ROBO1: variants seen among roughly 807,000 people sequenced by gnomAD.
ROBO1 encodes roundabout homolog 1.
A neutral mutation model predicts 195.9 loss-of-function variants in ROBO1; 149 were observed. The observed-to-expected ratio is 0.76, with a 90% CI of 0.67 to 0.87. ROBO1 has a LOEUF of 0.87. ROBO1 is among the 40% of genes least tolerant of loss of function. The probability of loss-of-function intolerance (pLI) is 0.00; values close to 1 mark genes in which losing one functional copy is unlikely to be tolerated. For missense variants in ROBO1, 1,933 were observed against 2,068.3 expected (o/e 0.93, Z 1.27); for synonymous variants, 816 against 733.2 (o/e 1.11, Z -1.82).
intron 2 of ROBO1, among the ~76,000 whole-genome samples, chr3:79,346,807 C>CA: frequency 6.6e-6 from 1 of 151,856 alleles, no homozygotes; most frequent in South Asian, 2.1e-4. Flanking sequence ...TAAAATAATA[C>CA]ATGGTCTAGG....
intron 1 of ROBO1, among the ~76,000 whole-genome samples, chr3:79,725,732 A>C (rs1359385139): frequency 6.6e-6 from 1 of 152,112 alleles, no homozygotes; most frequent in Non-Finnish European, 1.5e-5. Flanking sequence ...AAAATTTTGT[A>C]TGTCTTCTGT....
chr3:78,727,412 G>A (rs959134629), intron 5 of ROBO1, among the ~76,000 whole-genome samples: 1 of 152,104 alleles, frequency 6.6e-6, no homozygotes, highest in African/African-American at 2.4e-5. Context: ...GGATCACAAG[G>A]TCAGGAGATT....
Position 79,528,675 on chromosome 3 carries a change from C to A in ROBO1, c.88+61149G>T, listed in dbSNP as rs574706992. 2.6e-5 allele frequency among the ~76,000 whole-genome samples: 4 copies of A among 152,258 alleles called. No individual in the cohort carries two copies. In the East Asian group the frequency reaches 7.7e-4, roughly 29 times the overall value. On this transcript the variant is annotated intron_variant, in intron 2 of 30. Transcript: ENST00000464233. ...AATAAACAGACTGTGACTTCTAGATCATTTCTTAGACCAAATGGCAAGGCT... is the reference window on the plus strand; with the variant it reads ...AATAAACAGACTGTGACTTCTAGATAATTTCTTAGACCAAATGGCAAGGCT...
At chr3:78,677,707 TC>T (rs911586957) in intron 10 of ROBO1, among the ~76,000 whole-genome samples, 1 of 151,874 alleles carries the variant, frequency 6.6e-6, no homozygotes, top group African/African-American at 2.4e-5. Context: ...AGACTTAGAC[TC>T]CCACACAATA....
chr3:78,712,140 T>G (rs915840263), intron 8 of ROBO1, among the ~76,000 whole-genome samples: 2 of 151,916 alleles, frequency 1.3e-5, no homozygotes, highest in Non-Finnish European at 2.9e-5. Flanking sequence ...TGTAAGGTAA[T>G]TTATTCCCAC....
At chr3:79,101,053 G>A (rs2108510291) in intron 3 of ROBO1, among the ~76,000 whole-genome samples, 1 of 151,838 alleles carries the variant, frequency 6.6e-6, no homozygotes, top group Admixed American at 6.6e-5. Context: ...ATATATTGAA[G>A]GTATTTGTGT....
In ROBO1 at chr3:79,653,566, A is replaced by G. The variant is rs535359260; in HGVS notation, c.-50-63605T>C. On this transcript the variant is annotated intron_variant, in intron 1 of 30. Transcript: ENST00000464233. ...AGAAATATTTTTCAGGCTTTTGAGT[A>G]TCATTTCAAGATGAGAATATTTGCA... Among the ~76,000 whole-genome samples the G allele has an allele frequency of 5.9e-5, 9 of 152,162 alleles. 1 individual carries two copies. The East Asian group carries it at 1.2e-3, about 20-fold the overall frequency.
At chr3:79,519,170 G>A (rs1371214677) in intron 2 of ROBO1, among the ~76,000 whole-genome samples, 3 of 152,116 alleles carry the variant, frequency 2.0e-5, no homozygotes, top group East Asian at 3.9e-4. Flanking sequence ...CAAGAAGCAT[G>A]CTATTCTTGT....
intron 3 of ROBO1, among the ~76,000 whole-genome samples, chr3:79,061,701 T>A (rs1318086498): frequency 6.6e-6 from 1 of 151,922 alleles, no homozygotes; most frequent in African/African-American, 2.4e-5. Flanking sequence ...ACACTACACA[T>A]CTACAACCAT....
In ROBO1 at chr3:79,008,970, C is replaced by T. The variant is rs187501619; in HGVS notation, c.173-70043G>A. On this transcript the variant is annotated intron_variant, in intron 3 of 30. Transcript: ENST00000464233. ...TTTTGTTTTGTTTTGAGATGAGTCT[C>T]GCTGTTGTCACCTGAGCTGGAGTGC... Among the ~76,000 whole-genome samples, 9 of 150,244 alleles carry T rather than the reference C, an allele frequency of 6.0e-5. No homozygotes were observed. In the East Asian group the frequency reaches 1.2e-3, roughly 20 times the overall value.
intron 2 of ROBO1, among the ~76,000 whole-genome samples, chr3:79,379,997 C>T (rs868395591): frequency 6.6e-5 from 10 of 152,136 alleles, no homozygotes; most frequent in Admixed American, 3.9e-4. Context: ...CCCACATGTT[C>T]CAATACAAAT....
chr3:78,846,133 T>G (rs2106805347), intron 4 of ROBO1, among the ~76,000 whole-genome samples: 1 of 152,256 alleles, frequency 6.6e-6, no homozygotes, highest in South Asian at 2.1e-4. Flanking sequence ...ATGTAAAATC[T>G]AATGTGTAAT....
intron 27 of ROBO1, among the ~76,000 whole-genome samples, chr3:78,616,851 CTATT>C (rs1397607595): frequency 6.6e-6 from 1 of 151,976 alleles, no homozygotes; most frequent in Non-Finnish European, 1.5e-5. Context: ...CTTTCTTGAA[CTATT>C]TACTTTCTAA....
At chr3:78,992,501 A>G (rs138759850) in intron 3 of ROBO1, among the ~76,000 whole-genome samples, 114 of 152,316 alleles carry the variant, frequency 7.5e-4, no homozygotes, top group African/African-American at 2.6e-3. Flanking sequence ...GACCCTGGCA[A>G]TGGCAGGAAA....
intron 2 of ROBO1, among the ~76,000 whole-genome samples, chr3:79,454,405 A>G (rs2039550506): frequency 2.0e-5 from 3 of 152,082 alleles, no homozygotes; most frequent in Non-Finnish European, 4.4e-5. Context: ...TGGGACACCT[A>G]CTACACTTGA....
intron 2 of ROBO1, among the ~76,000 whole-genome samples, chr3:79,499,847 G>A (rs1559943847): frequency 6.6e-6 from 1 of 151,986 alleles, no homozygotes; most frequent in Non-Finnish European, 1.5e-5. Context: ...GATTTTATCT[G>A]TTGCCCGAGA....
At chr3:78,909,316 A>G (rs558856094) in intron 4 of ROBO1, among the ~76,000 whole-genome samples, 1 of 152,012 alleles carries the variant, frequency 6.6e-6, no homozygotes, top group African/African-American at 2.4e-5. Context: ...ATATACAATA[A>G]TAATTTTTAT....
At chr3:79,283,859 G>T (rs900243747) in intron 2 of ROBO1, among the ~76,000 whole-genome samples, 1 of 151,438 alleles carries the variant, frequency 6.6e-6, no homozygotes, top group East Asian at 1.9e-4. Flanking sequence ...TACCACGCCC[G>T]GCTAATTTTT....
chr3:79,368,526 T>G (rs2036059967), intron 2 of ROBO1, among the ~76,000 whole-genome samples: 1 of 152,078 alleles, frequency 6.6e-6, no homozygotes, highest in Non-Finnish European at 1.5e-5. Flanking sequence ...CTCCCAGCTC[T>G]GAGCTGTTAG....
Sources: allele counts gnomAD v4.1 joint callset (sites outside exome capture counted in the v4.1 genomes callset), GRCh38; gene constraint gnomAD v4.1.1; transcripts MANE v1.5; gene names NCBI Gene and HGNC (gene_info 2026-07-23, HGNC 2026-07-21).